The following MOB3B variants were observed in gnomAD, a reference collection of about 807,000 sequenced individuals.
The protein encoded by MOB3B is MOB kinase activator-like 2B.
Under a neutral mutation model 18.7 loss-of-function variants are expected in MOB3B, and 7 were observed. The observed-to-expected ratio is 0.37, with a 90% CI of 0.21 to 0.70. The LOEUF is 0.70. Among genes scored for constraint, MOB3B ranks in the 30% least tolerant of loss-of-function variants. The probability of loss-of-function intolerance (pLI) is 0.52; values close to 1 mark genes in which losing one functional copy is unlikely to be tolerated. For missense variants in MOB3B, 253 were observed against 281.3 expected (o/e 0.90, Z 0.72); for synonymous variants, 111 against 99.9 (o/e 1.11, Z -0.66).
chr9:27,469,826 C>G (rs1378492641), intron 1 of MOB3B, among the ~76,000 whole-genome samples: 2 of 152,072 alleles, frequency 1.3e-5, no homozygotes. Flanking sequence ...TAGCTGACAC[C>G]TAGAATTTCA....
At chr9:27,356,872 A>G (rs948591058) in intron 3 of MOB3B, among the ~76,000 whole-genome samples, 3 of 151,788 alleles carry the variant, frequency 2.0e-5, no homozygotes, top group Non-Finnish European at 2.9e-5. Flanking sequence ...AGCTGTTTGC[A>G]CAACCTTATC....
chr9:27,462,409 T>C (rs946342156), intron 1 of MOB3B, among the ~76,000 whole-genome samples: 2 of 152,158 alleles, frequency 1.3e-5, no homozygotes, highest in Non-Finnish European at 2.9e-5. Flanking sequence ...CAGATAAAGC[T>C]TAAGTTATAG....
In MOB3B at chr9:27,455,308, G is replaced by A; in HGVS notation, c.243C>T (p.Phe81=). The A allele has an allele frequency of 6.2e-7, 1 of 1,614,108 alleles. No homozygotes were observed. Among genetic ancestry groups the A allele is most frequent in the East Asian group, 2.2e-5 (1 of 44,884 alleles). ...TCACAGGACAGGTCCGCTCGGTGCA[G>A]AACTCACAGATGGTGCCATAGATGA... ...INLIYGTICE[F]CTERTCPVMS... Residue 81 remains phenylalanine, a synonymous_variant, in exon 2 of 4, where the codon TTC becomes TTT. Transcript: ENST00000262244.
chr9:27,356,088 G>A lies in MOB3B; in HGVS notation c.621+2946C>T, dbSNP rs544335755. Among the ~76,000 whole-genome samples, 25 of 152,184 alleles carry A rather than the reference G, an allele frequency of 1.6e-4. No homozygotes were observed. The South Asian group carries it at 3.3e-3, about 20-fold the overall frequency. ...TCCAGAGCCTGATATTATATGATTC[G>A]CCTCAGAAACATTCTTAATATCTAT... On this transcript the variant is annotated intron_variant, in intron 3 of 3. Coordinates refer to ENST00000262244, the MANE Select transcript of MOB3B (RefSeq NM_024761.5).
chr9:27,346,058 G>A (rs1180164664), intron 3 of MOB3B, among the ~76,000 whole-genome samples: 1 of 152,208 alleles, frequency 6.6e-6, no homozygotes, highest in Non-Finnish European at 1.5e-5. Context: ...TTTGGGAAGT[G>A]ACTAAGTGAT....
At chr9:27,377,470 G>A in intron 2 of MOB3B, among the ~76,000 whole-genome samples, 1 of 152,116 alleles carries the variant, frequency 6.6e-6, no homozygotes, top group Non-Finnish European at 1.5e-5. Context: ...GGAGGAAGGG[G>A]AGAAGGGAGG....
intron 1 of MOB3B, among the ~76,000 whole-genome samples, chr9:27,492,085 T>G (rs996971551): frequency 1.3e-5 from 2 of 152,182 alleles, no homozygotes; most frequent in African/African-American, 4.8e-5. Context: ...GAGAGGGATG[T>G]CCATGACATC....
intron 2 of MOB3B, 71 bp downstream of exon 2, chr9:27,455,062 G>A: frequency 6.5e-7 from 1 of 1,541,746 alleles, no homozygotes; most frequent in Non-Finnish European, 8.9e-7. Context: ...AGCATTCAAA[G>A]GCAGTCTGCA....
At chr9:27,375,857 T>C (rs1225010518) in intron 2 of MOB3B, among the ~76,000 whole-genome samples, 3 of 152,226 alleles carry the variant, frequency 2.0e-5, no homozygotes, top group Non-Finnish European at 4.4e-5. Context: ...AAACTTCTAA[T>C]CTACAAATGC....
chr9:27,381,014 G>A (rs1821570351), intron 2 of MOB3B, among the ~76,000 whole-genome samples: 2 of 152,240 alleles, frequency 1.3e-5, no homozygotes, highest in Non-Finnish European at 2.9e-5. Flanking sequence ...CATGATCTGG[G>A]TGAGCTTTGG....
At chr9:27,411,140 T>C (rs985896212) in intron 2 of MOB3B, among the ~76,000 whole-genome samples, 3 of 152,232 alleles carry the variant, frequency 2.0e-5, no homozygotes, top group Non-Finnish European at 4.4e-5. Context: ...GATGTATCCC[T>C]AGATATGGCA....
chr9:27,344,461 A>C (rs1313562445), intron 3 of MOB3B, among the ~76,000 whole-genome samples: 3 of 152,204 alleles, frequency 2.0e-5, no homozygotes, highest in African/African-American at 7.2e-5. Context: ...ATGTCTGAGA[A>C]CCTATTATAA....
intron 1 of MOB3B, among the ~76,000 whole-genome samples, chr9:27,512,592 T>C (rs984135450): frequency 3.3e-5 from 5 of 152,190 alleles, no homozygotes; most frequent in Admixed American, 3.3e-4. Context: ...ATTGCTTGAC[T>C]CCAGTAGCAG....
chr9:27,488,247 T>C (rs1339919995), intron 1 of MOB3B, among the ~76,000 whole-genome samples: 1 of 152,172 alleles, frequency 6.6e-6, no homozygotes, highest in African/African-American at 2.4e-5. Flanking sequence ...TAGCTCTAAC[T>C]TGTGAAAACT....
At chr9:27,524,877 T>C (rs1213486127) in intron 1 of MOB3B, 1 of 1,613,810 alleles carries the variant, frequency 6.2e-7, no homozygotes, top group Non-Finnish European at 8.5e-7. Context: ...ATACAGTGAC[T>C]GTGCCTGGGA....
intron 2 of MOB3B, among the ~76,000 whole-genome samples, chr9:27,425,163 G>C (rs1358697430): frequency 6.6e-6 from 1 of 151,988 alleles, no homozygotes; most frequent in South Asian, 2.1e-4. Context: ...ATCACCTGAG[G>C]TCAGGAGTTC....
At chr9:27,484,991 C>T (rs17779445) in intron 1 of MOB3B, among the ~76,000 whole-genome samples, 18 of 152,064 alleles carry the variant, frequency 1.2e-4, no homozygotes, top group Non-Finnish European at 2.2e-4. Context: ...TGAACCACCC[C>T]GGAAAATTGG....
chr9:27,445,676 T>C (rs940134830), intron 2 of MOB3B, among the ~76,000 whole-genome samples: 10 of 152,022 alleles, frequency 6.6e-5, no homozygotes, highest in Admixed American at 1.3e-4. Context: ...CTGTTAACTG[T>C]AGTAGAATTC....
intron 1 of MOB3B, among the ~76,000 whole-genome samples, chr9:27,472,904 T>C (rs1819494948): frequency 1.3e-5 from 2 of 152,254 alleles, no homozygotes; most frequent in African/African-American, 4.8e-5. Context: ...AAGTTAAGAC[T>C]GTCATTTTTA....
Sources: allele counts gnomAD v4.1 joint callset (sites outside exome capture counted in the v4.1 genomes callset), GRCh38; gene constraint gnomAD v4.1.1; transcripts MANE v1.5; gene names NCBI Gene and HGNC (gene_info 2026-07-23, HGNC 2026-07-21).